SH3GL1: variants seen among roughly 807,000 people sequenced by gnomAD.
SH3GL1 encodes endophilin-A2.
Under a neutral mutation model 48.8 loss-of-function variants are expected in SH3GL1, and 21 were observed. The observed-to-expected ratio is 0.43, with a 90% CI of 0.30 to 0.62. The LOEUF is 0.62. SH3GL1 is among the 20% of genes least tolerant of loss of function. The pLI is 0.11. For synonymous variants in SH3GL1, 282 were observed against 217.5 expected, an observed-to-expected ratio of 1.30 and a Z score of -2.61; for missense variants, 454 against 503.0, an observed-to-expected ratio of 0.90 and a Z score of 0.93.
intron 3 of SH3GL1, 42 bp from the exon 4 acceptor site, chr19:4,365,667 C>T (rs745940920): frequency 1.4e-5 from 23 of 1,610,676 alleles, no homozygotes; most frequent in South Asian, 3.3e-5. Context: ...GTGAGGCCTG[C>T]ACTCCTCTGC....
At position 4,363,668 on chromosome 19, in the gene SH3GL1, G is replaced by A. The variant is rs144428474; in HGVS notation, c.624+52C>T. 6,442 of 1,606,880 alleles carry A rather than the reference G, an allele frequency of 4.0e-3. 22 individuals are homozygous for A. The highest frequency in any genetic ancestry group is 5.0e-3 in the Non-Finnish European group (5,826 of 1,176,466). ...TCCAGCTCCCTTGAGGCACCACCCC[G>A]GCCTCCCAAGGGCATAGGTCTTCTC... is the stretch of plus-strand genomic sequence containing the variant. On this transcript the variant is annotated intron_variant, in intron 6 of 9. Coordinates refer to ENST00000269886, the MANE Select transcript of SH3GL1 (RefSeq NM_003025.4).
At chr19:4,372,206 G>A (rs1471170018) in intron 1 of SH3GL1, among the ~76,000 whole-genome samples, 1 of 152,322 alleles carries the variant, frequency 6.6e-6, no homozygotes, top group Non-Finnish European at 1.5e-5. Context: ...CCAGCCACCT[G>A]CAGGACCAGG....
chr19:4,364,900 A>G (rs10405548), intron 4 of SH3GL1, among the ~76,000 whole-genome samples: 47,548 of 82,252 alleles, frequency 0.58, 11,456 homozygotes, highest in African/African-American at 0.71. Flanking sequence ...GTGTGTGTGT[A>G]TATATATATA....
At chr19:4,373,118 G>A (rs1287990625) in intron 1 of SH3GL1, among the ~76,000 whole-genome samples, 1 of 94,936 alleles carries the variant, frequency 1.1e-5, no homozygotes, top group East Asian at 3.5e-4. Flanking sequence ...GGGAGGGAGA[G>A]GAGCAGTGGG....
intron 1 of SH3GL1, among the ~76,000 whole-genome samples, chr19:4,382,298 C>A (rs1289887565): frequency 8.9e-5 from 12 of 134,326 alleles, no homozygotes; most frequent in Non-Finnish European, 1.6e-4. Context: ...CGCTCTGTCA[C>A]CCAGGCTGGA....
rs60108906 is a variant in SH3GL1, at chr19:4,392,518, TCACACACACACACACACACACA to T, written c.45+7784_45+7805del. 1.9e-3 allele frequency among the ~76,000 whole-genome samples: 262 copies of T among 137,852 alleles called. 1 individual carries two copies. Among genetic ancestry groups the T allele is most frequent in the African/African-American group, 6.2e-3 (225 of 36,424 alleles). The allele number at this position is 137,852 out of a possible 152,430, so 90.4% of individuals were successfully genotyped here. A position where few individuals can be genotyped will look rare whatever the true frequency, so the allele number is the denominator to read the frequency against. On this transcript the variant is annotated intron_variant, in intron 1 of 9. Transcript: ENST00000269886. ...CAGCCTGGGACAGAGCAAGACTCCG[TCACACACACACACACACACACA>T]CACACACACACACACACACACACAC...
At chr19:4,372,332 G>C (rs866182751) in intron 1 of SH3GL1, among the ~76,000 whole-genome samples, 1 of 152,228 alleles carries the variant, frequency 6.6e-6, no homozygotes, top group Non-Finnish European at 1.5e-5. Context: ...AAGCTGAAGG[G>C]GACGTGGAGG....
intron 1 of SH3GL1, among the ~76,000 whole-genome samples, chr19:4,373,231 C>G (rs930389555): frequency 7.2e-5 from 11 of 152,202 alleles, no homozygotes; most frequent in African/African-American, 2.7e-4. Context: ...AACCCACTCC[C>G]CAGCCCAAGG....
At chr19:4,386,672 G>A (rs1973241920) in intron 1 of SH3GL1, among the ~76,000 whole-genome samples, 1 of 151,398 alleles carries the variant, frequency 6.6e-6, no homozygotes, top group South Asian at 2.1e-4. Flanking sequence ...CTGACTGCTG[G>A]GTCTCCAGCT....
At chr19:4,365,646 G>A in intron 3 of SH3GL1, 21 bp from the exon 4 acceptor site, 1 of 1,613,196 alleles carries the variant, frequency 6.2e-7, no homozygotes, top group East Asian at 2.2e-5. Flanking sequence ...ATGGCCAGGT[G>A]GGTGTGGGCT....
Position 4,389,008 on chromosome 19 carries a change from G to GAC in SH3GL1, c.45+11314_45+11315dup, listed in dbSNP as rs1160896084. Among the ~76,000 whole-genome samples, 1 of 152,234 alleles carries GAC rather than the reference G, an allele frequency of 6.6e-6. No homozygotes were observed. The highest frequency in any genetic ancestry group is 1.5e-5 in the Non-Finnish European group (1 of 68,046). On this transcript the variant is annotated intron_variant, in intron 1 of 9. Transcript: ENST00000269886. This position sits in a 1 kb window ranked among gnomAD's most constrained non-coding sequence, Gnocchi z 4.5. ...CAGCCACCTGCCTCCCTGGTGCTGT[G>GAC]ACACGGCCTGGTCAGATGCCTGGCC...
At chr19:4,392,149 G>A (rs1005786838) in intron 1 of SH3GL1, among the ~76,000 whole-genome samples, 3 of 152,184 alleles carry the variant, frequency 2.0e-5, no homozygotes, top group African/African-American at 7.2e-5. Context: ...CCACACAAAA[G>A]TGCCTCTCAA....
chr19:4,377,859 CCCTGCAGCGAGAAGACTGCAG>C (rs1973041927), intron 1 of SH3GL1, among the ~76,000 whole-genome samples: 1 of 152,214 alleles, frequency 6.6e-6, no homozygotes, highest in African/African-American at 2.4e-5. Context: ...CCACCATCTC[CCCTGCAGCGAGAAGACTGCAG>C]CCTCTCCTGT....
At chr19:4,383,676 A>G (rs1033581299) in intron 1 of SH3GL1, among the ~76,000 whole-genome samples, 1 of 152,214 alleles carries the variant, frequency 6.6e-6, no homozygotes, top group East Asian at 1.9e-4. Flanking sequence ...GCACTGAGGA[A>G]CACGAGACGG....
In SH3GL1 at chr19:4,360,674, C is replaced by T; in HGVS notation, c.*926G>A. 4.3e-6 allele frequency: 1 copy of T among 233,396 alleles called. No homozygotes were observed. Among genetic ancestry groups the T allele is most frequent in the Admixed American group, 5.6e-5 (1 of 17,790 alleles). The allele number at this position is 233,396 out of a possible 1,614,324, so 14.5% of individuals were successfully genotyped here. On this transcript the variant is annotated 3_prime_UTR_variant, in exon 10 of 10. Transcript: ENST00000269886. ...TAGAGGAGATGGCTGGGGCCACTTC[C>T]CACAGGGTGAAGTGGCAGCGGCTCA... is the stretch of plus-strand genomic sequence containing the variant.
chr19:4,371,079 G>A (rs563470008), intron 1 of SH3GL1, among the ~76,000 whole-genome samples: 11 of 152,394 alleles, frequency 7.2e-5, no homozygotes, highest in African/African-American at 2.4e-4. Context: ...AGCTGGACAC[G>A]AAGATGGGGT....
intron 1 of SH3GL1, among the ~76,000 whole-genome samples, chr19:4,369,392 C>G (rs1415985569): frequency 6.6e-6 from 1 of 152,244 alleles, no homozygotes; most frequent in Non-Finnish European, 1.5e-5. Flanking sequence ...AGAACTGAAG[C>G]CAGCGGGCTG....
chr19:4,371,406 C>A (rs574210201), intron 1 of SH3GL1, among the ~76,000 whole-genome samples: 1 of 152,312 alleles, frequency 6.6e-6, no homozygotes, highest in African/African-American at 2.4e-5. Flanking sequence ...CGAATCCTGC[C>A]GAGTGGAGCT....
chr19:4,369,249 G>A (rs575962294), intron 1 of SH3GL1, among the ~76,000 whole-genome samples: 10 of 152,208 alleles, frequency 6.6e-5, no homozygotes, highest in South Asian at 2.1e-4. Flanking sequence ...TTTTTGGGGC[G>A]TTCCACTCTA....
Sources: gnomAD v4.1 joint callset for allele counts (sites outside exome capture counted in the v4.1 genomes callset) on GRCh38, gnomAD v4.1.1 for gene constraint, Gnocchi (gnomAD v3.1) non-coding constraint, MANE v1.5 for transcripts, NCBI Gene and HGNC (gene_info 2026-07-23, HGNC 2026-07-21) for gene names.